Variants in ZNF92 observed in about 807,000 individuals in gnomAD.
The protein encoded by ZNF92 is epididymis luminal protein 203.
In ZNF92, 11 loss-of-function variants were observed where a neutral mutation model predicts 12.4. That is an observed-to-expected ratio of 0.89 (90% CI 0.56 to 1.47). The LOEUF (loss-of-function observed/expected upper bound fraction) is 1.47, where lower values mean the gene tolerates loss of function less well. Ranked by LOEUF, ZNF92 falls within the 40% of genes most tolerant of loss-of-function variation. The pLI is 0.00. For missense variants in ZNF92, 622 were observed against 681.0 expected, an observed-to-expected ratio of 0.91 and a Z score of 0.96; for synonymous variants, 206 against 228.6, an observed-to-expected ratio of 0.90 and a Z score of 0.89.
intron 1 of ZNF92, among the ~76,000 whole-genome samples, chr7:65,376,202 C>G (rs1793232381): frequency 6.6e-6 from 1 of 152,016 alleles, no homozygotes; most frequent in Non-Finnish European, 1.5e-5. Context: ...CGTGAGGCAC[C>G]ACGCCTGCTG....
intron 1 of ZNF92, among the ~76,000 whole-genome samples, chr7:65,385,957 TC>T (rs1793548845): frequency 6.6e-6 from 1 of 152,030 alleles, no homozygotes; most frequent in Admixed American, 6.6e-5. Context: ...GTGCTTTTCC[TC>T]CCTAATGAGT....
chr7:65,377,767 A>G (rs1464064859), intron 1 of ZNF92, among the ~76,000 whole-genome samples: 1 of 149,140 alleles, frequency 6.7e-6, no homozygotes. Context: ...GGGTTTCACC[A>G]TGTTGGTCAG....
At chr7:65,390,662 A>G (rs1200378142) in intron 3 of ZNF92, among the ~76,000 whole-genome samples, 4 of 152,084 alleles carry the variant, frequency 2.6e-5, no homozygotes, top group Admixed American at 6.6e-5. Flanking sequence ...GTCTGCATAT[A>G]ATGGACCTTG....
intron 1 of ZNF92, among the ~76,000 whole-genome samples, chr7:65,380,422 C>T (rs192554696): frequency 2.8e-4 from 43 of 152,134 alleles, no homozygotes; most frequent in East Asian, 1.2e-3. Context: ...TGCACGACCA[C>T]GCCTGGCTAA....
chr7:65,383,960 T>C lies in ZNF92; in HGVS notation c.4-3942T>C, dbSNP rs1198006796. 2.6e-5 allele frequency among the ~76,000 whole-genome samples: 4 copies of C among 152,116 alleles called. No individual in the cohort carries two copies. The East Asian group carries it at 7.7e-4, about 29-fold the overall frequency. The stretch of plus-strand genomic sequence containing the variant: ...AAGAGTGGTTCATTCTGCTTTTGTC[T>C]CAGTGTAAGAGAAATGAGTCACGCC... On this transcript the variant is annotated intron_variant, in intron 1 of 3. Transcript: ENST00000328747.
Position 65,400,126 on chromosome 7 carries a change from CATTT to C in ZNF92, c.*254_*257del. 1 of 330,552 alleles carries C rather than the reference CATTT, an allele frequency of 3.0e-6. No homozygotes were observed. 20.5% of individuals were successfully genotyped at this position (330,552 alleles called of 1,614,324 possible). ...AATTGTATAAAGAATATGGAAAAGCCATTTATATCTGCTCACATGTAAAAACATC... is the reference window on the plus strand; with the variant it reads ...AATTGTATAAAGAATATGGAAAAGCCATATCTGCTCACATGTAAAAACATC... On this transcript the variant is annotated 3_prime_UTR_variant, in exon 4 of 4. Transcript: ENST00000328747.
intron 3 of ZNF92, among the ~76,000 whole-genome samples, chr7:65,396,250 C>A (rs13223871): frequency 0.16 from 23,917 of 151,932 alleles, 2,274 homozygotes; most frequent in South Asian, 0.21. Flanking sequence ...GTTACTATTA[C>A]CAGTTTCATT....
intron 1 of ZNF92, among the ~76,000 whole-genome samples, chr7:65,381,490 T>G (rs1488042744): frequency 6.6e-6 from 1 of 152,086 alleles, no homozygotes; most frequent in South Asian, 2.1e-4. Context: ...GTTGATAGTT[T>G]CTTGTGGGTT....
intron 1 of ZNF92, among the ~76,000 whole-genome samples, chr7:65,382,115 C>T (rs1463811393): frequency 6.6e-6 from 1 of 152,060 alleles, no homozygotes; most frequent in Non-Finnish European, 1.5e-5. Flanking sequence ...TTAGCTTACA[C>T]GGATGGCCTC....
chr7:65,379,139 GT>G (rs1793334119), intron 1 of ZNF92, among the ~76,000 whole-genome samples: 1 of 152,136 alleles, frequency 6.6e-6, no homozygotes, highest in Non-Finnish European at 1.5e-5. Context: ...GGAGTCCCCA[GT>G]TTTTAAGCAG....
At chr7:65,392,450 T>C (rs1793740472) in intron 3 of ZNF92, among the ~76,000 whole-genome samples, 1 of 151,942 alleles carries the variant, frequency 6.6e-6, no homozygotes, top group East Asian at 1.9e-4. Flanking sequence ...CTATTTAAGT[T>C]TACATTTCAT....
Position 65,399,323 on chromosome 7 carries a change from C to T in ZNF92, c.1209C>T (p.Gly403=), listed in dbSNP as rs1562799566. ...AACCCTACAAATGTGAAGAATGTGG[C>T]AAAGCTTTTAAACAGTCCTCAACCC... ...GEKPYKCEEC[G]KAFKQSSTLT... is the part of the protein sequence containing the mutation. Residue 403 remains glycine, a synonymous_variant, in exon 4 of 4, where the codon GGC becomes GGT. Coordinates refer to ENST00000328747, the MANE Select transcript of ZNF92 (RefSeq NM_152626.4). 3 of 1,612,954 alleles carry T rather than the reference C, an allele frequency of 1.9e-6. No homozygotes were observed. The South Asian group carries it at 3.3e-5, about 18-fold the overall frequency.
intron 1 of ZNF92, among the ~76,000 whole-genome samples, chr7:65,380,828 C>G (rs1401578871): frequency 6.6e-6 from 1 of 152,054 alleles, no homozygotes; most frequent in African/African-American, 2.4e-5. Flanking sequence ...TATAAGCATT[C>G]TCTTTACCCT....
At chr7:65,379,371 A>G (rs1372044474) in intron 1 of ZNF92, among the ~76,000 whole-genome samples, 1 of 152,036 alleles carries the variant, frequency 6.6e-6, no homozygotes, top group Non-Finnish European at 1.5e-5. Context: ...CCTGGAATGG[A>G]ACTCTGGGTG....
intron 3 of ZNF92, among the ~76,000 whole-genome samples, chr7:65,395,055 T>A (rs1466093720): frequency 6.6e-6 from 1 of 152,122 alleles, no homozygotes; most frequent in Non-Finnish European, 1.5e-5. Flanking sequence ...AAACATACCA[T>A]TTATTATTTT....
intron 1 of ZNF92, among the ~76,000 whole-genome samples, chr7:65,379,825 C>T (rs959995336): frequency 5.9e-5 from 9 of 152,080 alleles, no homozygotes; most frequent in Non-Finnish European, 1.2e-4. Flanking sequence ...GTAGCACAAA[C>T]CAGTCTTTCC....
chr7:65,388,234 A>G (rs1271810097), intron 2 of ZNF92: 1 of 369,794 alleles, frequency 2.7e-6, no homozygotes, highest in African/African-American at 2.2e-5. Context: ...GCTGATCTAT[A>G]TCCTTCACTC....
At chr7:65,374,059 G>A in intron 1 of ZNF92, 59 bp downstream of exon 1, 1 of 1,612,218 alleles carries the variant, frequency 6.2e-7, no homozygotes, top group Non-Finnish European at 8.5e-7. Context: ...GAACCGATTG[G>A]AAGTGGCTGT....
At chr7:65,381,364 G>GT (rs61408368) in intron 1 of ZNF92, among the ~76,000 whole-genome samples, 58,174 of 149,758 alleles carry the variant, frequency 0.39, 13,985 homozygotes, top group African/African-American at 0.66. Flanking sequence ...TTTTAATAAG[G>GT]TTTTTTTTTT....
Sources: gnomAD v4.1 joint callset for allele counts (sites outside exome capture counted in the v4.1 genomes callset) on GRCh38, gnomAD v4.1.1 for gene constraint, MANE v1.5 for transcripts, NCBI Gene and HGNC (gene_info 2026-07-23, HGNC 2026-07-21) for gene names.